SASH1: variants seen among roughly 807,000 people sequenced by gnomAD.
SASH1 encodes SAM and SH3 domain containing 1, also known as SAM and SH3 domain-containing protein 1.
A neutral mutation model predicts 125.2 loss-of-function variants in SASH1; 44 were observed. That is an observed-to-expected ratio of 0.35 (90% CI 0.28 to 0.45). The LOEUF is 0.45. Ranked by LOEUF, SASH1 falls within the 20% of genes least tolerant of loss-of-function variation. The pLI, the probability that SASH1 is intolerant of heterozygous loss-of-function variation, is 1.00. For missense variants in SASH1, 1,426 were observed against 1,614.5 expected (o/e 0.88, Z 2.00); for synonymous variants, 639 against 649.1 (o/e 0.98, Z 0.24).
chr6:148,424,229 C>G (rs1428283748), intron 2 of SASH1, among the ~76,000 whole-genome samples: 1 of 149,256 alleles, frequency 6.7e-6, no homozygotes, highest in Non-Finnish European at 1.5e-5. Flanking sequence ...TCTTGTTCTT[C>G]TTCTTTTTTT....
intron 1 of SASH1, among the ~76,000 whole-genome samples, chr6:148,286,445 A>G (rs1291670675): frequency 1.3e-5 from 2 of 151,970 alleles, no homozygotes; most frequent in African/African-American, 2.4e-5. Context: ...TAGGGCTGCC[A>G]TAACAGAGAA....
chr6:148,460,790 T>G (rs1282926846), intron 4 of SASH1, among the ~76,000 whole-genome samples: 2 of 152,226 alleles, frequency 1.3e-5, no homozygotes, highest in African/African-American at 4.8e-5. Context: ...TTGTTTTTTG[T>G]AATTCTAAAA....
At chr6:148,238,854 G>C in the SASH1 span, among the ~76,000 whole-genome samples, 1 of 152,086 alleles carries the variant, frequency 6.6e-6, no homozygotes, top group South Asian at 2.1e-4. Flanking sequence ...CGGTGAGTTG[G>C]GGAACTACAA....
At chr6:148,413,669 G>A (rs1171854510) in intron 2 of SASH1, among the ~76,000 whole-genome samples, 1 of 152,164 alleles carries the variant, frequency 6.6e-6, no homozygotes, top group Non-Finnish European at 1.5e-5. Context: ...GTAAATCGAG[G>A]CCGTTGATGT....
chr6:148,451,241 AT>A (rs1175243313), intron 4 of SASH1, among the ~76,000 whole-genome samples: 3 of 152,170 alleles, frequency 2.0e-5, no homozygotes, highest in Non-Finnish European at 4.4e-5. Flanking sequence ...CTACAAATGG[AT>A]TGTTCCCAGG....
At chr6:148,541,463 G>C (rs1431502741) in intron 17 of SASH1, among the ~76,000 whole-genome samples, 1 of 152,088 alleles carries the variant, frequency 6.6e-6, no homozygotes, top group African/African-American at 2.4e-5. Context: ...ATAAAGGTTA[G>C]TATTGTTAGC....
intron 1 of SASH1, among the ~76,000 whole-genome samples, chr6:148,273,785 G>T (rs548833213): frequency 1.3e-5 from 2 of 152,208 alleles, no homozygotes; most frequent in South Asian, 2.1e-4. Flanking sequence ...GGCCTCTCAG[G>T]TGGGCTTCTG....
At position 148,343,142 on chromosome 6, in the gene SASH1, G is replaced by A. The variant is rs1562336048; in HGVS notation, c.75G>A (p.Pro25=). The A allele has an allele frequency of 1.3e-6, 2 of 1,597,972 alleles. No homozygotes were observed. The highest frequency in any genetic ancestry group is 1.7e-6 in the Non-Finnish European group (2 of 1,178,472). Reference sequence around the variant, plus strand: ...CCGAGCCGGAGCCCGAGCCCGCGCCGGAGCCGGAACCGGAGCCCAAGCCGG... The same window carrying A: ...CCGAGCCGGAGCCCGAGCCCGCGCCAGAGCCGGAACCGGAGCCCAAGCCGG... The part of the protein sequence containing the change: ...PEPEPEPEPA[P]EPEPEPKPGA... Residue 25 remains proline, a synonymous_variant, in exon 1 of 20, where the codon CCG becomes CCA. Transcript: ENST00000367467.
Position 148,519,927 on chromosome 6 carries a change from C to T in SASH1, c.1209+34C>T, listed in dbSNP as rs1583292845. ...GGATGGTGTTTGCTTCTATGACAAC[C>T]ACCGTCGCAGGCACCACCTTCTGGT... On this transcript the variant is annotated intron_variant, in intron 10 of 19. Coordinates refer to ENST00000367467, the MANE Select transcript of SASH1 (RefSeq NM_015278.5). The surrounding 1 kb of genome is among the most constrained non-coding windows in gnomAD (Gnocchi z 4.8). 2.1e-6 allele frequency: 3 copies of T among 1,449,520 alleles called. No individual in the cohort carries two copies. Among genetic ancestry groups the T allele is most frequent in the Non-Finnish European group, 2.8e-6 (3 of 1,077,552 alleles). The allele number at this position is 1,449,520 out of a possible 1,614,324, so 89.8% of individuals were successfully genotyped here.
At position 148,352,477 on chromosome 6, in the gene SASH1, G is replaced by A. The variant is rs376018129; in HGVS notation, c.156+9254G>A. On this transcript the variant is annotated intron_variant, in intron 1 of 19. Transcript: ENST00000367467. The stretch of plus-strand genomic sequence containing the variant: ...CCAGGCATAGTGGCAGGCGCCTGTA[G>A]TCCCAGCTACTTAAGAGGCTGAGGC... Among the ~76,000 whole-genome samples the A allele has an allele frequency of 6.6e-5, 10 of 151,920 alleles. No homozygotes were observed. The East Asian group carries it at 1.6e-3, about 24-fold the overall frequency.
intron 4 of SASH1, among the ~76,000 whole-genome samples, chr6:148,451,340 G>T (rs960628298): frequency 5.3e-5 from 8 of 152,194 alleles, no homozygotes; most frequent in Non-Finnish European, 1.0e-4. Flanking sequence ...AATAAAAAGT[G>T]CTTTCGGCTT....
chr6:148,382,721 C>T (rs1377336205), intron 1 of SASH1, among the ~76,000 whole-genome samples: 1 of 152,148 alleles, frequency 6.6e-6, no homozygotes, highest in African/African-American at 2.4e-5. Flanking sequence ...AGGAGGGGAT[C>T]TGTGGTAACC....
chr6:148,329,539 TTGA>T (rs1424519361), intron 1 of SASH1, among the ~76,000 whole-genome samples: 1 of 152,226 alleles, frequency 6.6e-6, no homozygotes, highest in Non-Finnish European at 1.5e-5. Flanking sequence ...GCCACCTCTT[TTGA>T]TGATTTCTTC....
intron 2 of SASH1, among the ~76,000 whole-genome samples, chr6:148,397,015 A>G (rs549089803): frequency 2.6e-5 from 4 of 152,268 alleles, no homozygotes; most frequent in African/African-American, 7.2e-5. Context: ...TATTTATTCA[A>G]GTGAGTGCAG....
chr6:148,387,725 A>G (rs1017860070), intron 1 of SASH1, among the ~76,000 whole-genome samples: 6 of 105,566 alleles, frequency 5.7e-5, no homozygotes, highest in Non-Finnish European at 1.0e-4. Context: ...TTTTCTTTCC[A>G]TTCTTTCTTT....
the SASH1 span, among the ~76,000 whole-genome samples, chr6:148,239,563 T>G: frequency 3.9e-5 from 6 of 152,372 alleles, no homozygotes; most frequent in African/African-American, 1.4e-4. Flanking sequence ...TGTTGAATTC[T>G]ACTCCAGGTC....
chr6:148,235,298 C>T, the SASH1 span, among the ~76,000 whole-genome samples: 19 of 152,012 alleles, frequency 1.2e-4, no homozygotes, highest in South Asian at 1.5e-3. Context: ...AATCATTTGG[C>T]GTTAATCTCC....
At chr6:148,497,311 T>C (rs944437875) in intron 8 of SASH1, among the ~76,000 whole-genome samples, 1 of 152,158 alleles carries the variant, frequency 6.6e-6, no homozygotes, top group Non-Finnish European at 1.5e-5. Flanking sequence ...CCATTCCCAG[T>C]CTTTTCTCTG....
chr6:148,330,067 T>TA (rs1310328432), intron 1 of SASH1, among the ~76,000 whole-genome samples: 1 of 152,176 alleles, frequency 6.6e-6, no homozygotes, highest in Non-Finnish European at 1.5e-5. Context: ...ATCTGTGACT[T>TA]AAAAAATGAG....
Sources: allele counts gnomAD v4.1 joint callset (sites outside exome capture counted in the v4.1 genomes callset), GRCh38; gene constraint gnomAD v4.1.1; non-coding constraint Gnocchi (gnomAD v3.1); transcripts MANE v1.5; gene names NCBI Gene and HGNC (gene_info 2026-07-23, HGNC 2026-07-21).